Variants in CYFIP1 observed in about 807,000 individuals in gnomAD.
CYFIP1 encodes cytoplasmic FMR1 interacting protein 1.
In CYFIP1, 58 loss-of-function variants were observed where a neutral mutation model predicts 163.5. The ratio of observed to expected loss-of-function variants is 0.35; its 90% confidence interval spans 0.29 to 0.44. The LOEUF is 0.44. CYFIP1 is among the 20% of genes least tolerant of loss of function. CYFIP1 has a pLI of 1.00. For missense variants in CYFIP1, 1,338 were observed against 1,653.8 expected (o/e 0.81, Z 3.31); for synonymous variants, 663 against 660.7 (o/e 1.00, Z -0.05).
upstream of CYFIP1, among the ~76,000 whole-genome samples, chr15:22,980,677 G>GCACCCTGTCCCGGGGCTCCA (rs1261447001): frequency 6.6e-6 from 1 of 151,934 alleles, no homozygotes; most frequent in Non-Finnish European, 1.5e-5. Flanking sequence ...AACGGGGTCC[G>GCACCCTGTCCCGGGGCTCCA]CACCCTGTCC....
At chr15:22,905,272 T>C (rs1157549115) in intron 21 of CYFIP1, 2 of 152,202 alleles carry the variant, frequency 1.3e-5, no homozygotes, top group Non-Finnish European at 2.9e-5. Context: ...ATGCTTTTAA[T>C]AGACACTTTC....
intron 1 of CYFIP1, 134 bp from the exon 2 acceptor site, chr15:22,947,425 G>A (rs2062099294): frequency 1.6e-6 from 2 of 1,287,460 alleles, no homozygotes; most frequent in Admixed American, 2.3e-5. Flanking sequence ...ACAGGGGCAT[G>A]ATCAGTCCTT....
At chr15:22,875,747 C>T (rs1031481373) in intron 26 of CYFIP1, among the ~76,000 whole-genome samples, 1 of 151,724 alleles carries the variant, frequency 6.6e-6, no homozygotes, top group African/African-American at 2.4e-5. Context: ...GTAGGGGTGG[C>T]CTACCCTGGT....
chr15:22,978,053 G>T (rs994055468), intron 1 of CYFIP1, among the ~76,000 whole-genome samples: 1 of 151,804 alleles, frequency 6.6e-6, no homozygotes, highest in African/African-American at 2.4e-5. Context: ...CCACACTACA[G>T]AATACTATAG....
At chr15:22,874,490 CACCTG>C in intron 28 of CYFIP1, 55 bp downstream of exon 28, 1 of 1,363,344 alleles carries the variant, frequency 7.3e-7, no homozygotes, top group Non-Finnish European at 1.0e-6. Context: ...CCAACCAGGC[CACCTG>C]GCCTGGCATG....
intron 3 of CYFIP1, among the ~76,000 whole-genome samples, chr15:22,946,196 C>T (rs2062052755): frequency 6.6e-6 from 1 of 151,690 alleles, no homozygotes; most frequent in Non-Finnish European, 1.5e-5. Context: ...CCCAGCTACT[C>T]AGGAGGCAGA....
intron 6 of CYFIP1, 66 bp from the exon 7 acceptor site, chr15:22,939,573 A>AAG (rs1208306160): frequency 9.2e-7 from 1 of 1,089,102 alleles, no homozygotes; most frequent in African/African-American, 1.7e-5. Context: ...AAAAAAAAAA[A>AAG]AAAAAAAAGC....
intron 1 of CYFIP1, among the ~76,000 whole-genome samples, chr15:22,957,493 A>G (rs139741526): frequency 0.23 from 35,418 of 151,812 alleles, 4,623 homozygotes; most frequent in Middle Eastern, 0.36. Context: ...AAAATTAGCC[A>G]GGCATGGTGG....
chr15:22,944,229 A>T (rs547742234), intron 5 of CYFIP1, among the ~76,000 whole-genome samples: 1 of 128,216 alleles, frequency 7.8e-6, no homozygotes, highest in East Asian at 2.1e-4. Context: ...ACAAAGCAAG[A>T]CTCTGTCTCA....
At chr15:22,954,990 C>T (rs924132070) in intron 1 of CYFIP1, among the ~76,000 whole-genome samples, 2 of 152,114 alleles carry the variant, frequency 1.3e-5, no homozygotes, top group South Asian at 2.1e-4. Flanking sequence ...AGACTGGCTC[C>T]GTGTCTGAGC....
chr15:22,927,584 G>A (rs1197635770), intron 12 of CYFIP1, among the ~76,000 whole-genome samples: 2 of 151,706 alleles, frequency 1.3e-5, no homozygotes, highest in African/African-American at 4.8e-5. Context: ...TTGGGGTGGG[G>A]AGTCAAGGCT....
At chr15:22,908,003 C>T (rs933456837) in intron 21 of CYFIP1, among the ~76,000 whole-genome samples, 1 of 152,224 alleles carries the variant, frequency 6.6e-6, no homozygotes, top group Non-Finnish European at 1.5e-5. Flanking sequence ...ATTTCTTATG[C>T]TCTTTTCTGT....
rs1402954385 is a variant in CYFIP1 at position 22,927,931 on chromosome 15, T to A, written c.1208A>T (p.Gln403Leu). The change falls in exon 12 of 31, where the codon CAG (glutamine) becomes CTG (leucine). Residue 403 changes from glutamine to leucine, a missense_variant. Gln to Leu is a moderately radical substitution (Grantham distance 113). This residue lies in a region of CYFIP1 where 824 missense variants were observed against 995.7 expected (regional missense o/e 0.83). Coordinates refer to ENST00000617928, the MANE Select transcript of CYFIP1 (RefSeq NM_014608.6). ...LALQGLQLLS[Q>L]WSAHVMEVYS... ...CACTTCCATCACGTGCGCGCTCCAC[T>A]GCGACAACAGCTGCAGGCCCTGCAG... The A allele has an allele frequency of 1.2e-6, 2 of 1,606,616 alleles. No individual in the cohort carries two copies. The highest frequency in any genetic ancestry group is 8.5e-7 in the Non-Finnish European group (1 of 1,178,140).
At chr15:22,940,601 G>A (rs985857339) in intron 6 of CYFIP1, among the ~76,000 whole-genome samples, 18 of 152,212 alleles carry the variant, frequency 1.2e-4, no homozygotes, top group Middle Eastern at 3.2e-3. Context: ...TCGATCAGCT[G>A]CAGACCACCC....
chr15:22,867,170 G>A lies in CYFIP1; in HGVS notation c.*2858C>T. ...AATGCTTTATTTTTTCATTGGTGAT[G>A]AAAGTCTGAAATGTGCATTTGTCAT... is the stretch of plus-strand genomic sequence containing the variant. On this transcript the variant is annotated 3_prime_UTR_variant, in exon 31 of 31. Coordinates refer to ENST00000617928, the MANE Select transcript of CYFIP1 (RefSeq NM_014608.6). 1 of 443,574 alleles carries A rather than the reference G, an allele frequency of 2.3e-6. No homozygotes were observed. Among genetic ancestry groups the A allele is most frequent in the Non-Finnish European group, 3.9e-6 (1 of 253,956 alleles). 27.5% of individuals were successfully genotyped at this position (443,574 alleles called of 1,614,324 possible).
chr15:22,934,965 A>T (rs1286773002), intron 9 of CYFIP1, among the ~76,000 whole-genome samples: 1 of 152,230 alleles, frequency 6.6e-6, no homozygotes, highest in Non-Finnish European at 1.5e-5. Context: ...CAGTAAATGG[A>T]GAAATGATCA....
At chr15:22,892,487 C>A (rs761241213) in intron 23 of CYFIP1, among the ~76,000 whole-genome samples, 42 of 152,148 alleles carry the variant, frequency 2.8e-4, no homozygotes, top group Non-Finnish European at 5.9e-5. Flanking sequence ...TCCGGTCAGG[C>A]CTTACAGCCA....
intron 1 of CYFIP1, among the ~76,000 whole-genome samples, chr15:22,962,322 C>T (rs1387033726): frequency 6.6e-6 from 1 of 152,070 alleles, no homozygotes; most frequent in Non-Finnish European, 1.5e-5. Context: ...CACAGTGAGC[C>T]CCTGCTCTGC....
chr15:22,911,836 A>G (rs1051917139), intron 18 of CYFIP1, among the ~76,000 whole-genome samples: 1 of 152,238 alleles, frequency 6.6e-6, no homozygotes, highest in Non-Finnish European at 1.5e-5. Flanking sequence ...GATGCAAATA[A>G]AAAACATGCC....
Sources: allele counts gnomAD v4.1 joint callset (sites outside exome capture counted in the v4.1 genomes callset), GRCh38; gene constraint gnomAD v4.1.1; regional missense constraint gnomAD v4.1.1; transcripts MANE v1.5; gene names NCBI Gene and HGNC (gene_info 2026-07-23, HGNC 2026-07-21).